The following SLC29A3 variants were observed in gnomAD, a reference collection of about 807,000 sequenced individuals.
SLC29A3 encodes equilibrative nucleoside transporter 3.
A neutral mutation model predicts 25.4 loss-of-function variants in SLC29A3; 18 were observed. The observed-to-expected ratio is 0.71, with a 90% CI of 0.49 to 1.05. SLC29A3 has a LOEUF of 1.05. SLC29A3 is among the 50% of genes least tolerant of loss of function. The probability of loss-of-function intolerance (pLI) is 0.00; values close to 1 mark genes in which losing one functional copy is unlikely to be tolerated. For synonymous variants in SLC29A3, 258 were observed against 267.1 expected (o/e 0.97, Z 0.33); for missense variants, 586 against 609.0 (o/e 0.96, Z 0.40).
At chr10:71,326,122 G>A (rs1589222001) in intron 2 of SLC29A3, among the ~76,000 whole-genome samples, 1 of 151,762 alleles carries the variant, frequency 6.6e-6, no homozygotes, top group Non-Finnish European at 1.5e-5. Flanking sequence ...GTCTCACTAT[G>A]TTGCCCAGGC....
chr10:71,339,647 C>T (rs1428762683), intron 2 of SLC29A3, among the ~76,000 whole-genome samples: 1 of 152,098 alleles, frequency 6.6e-6, no homozygotes, highest in African/African-American at 2.4e-5. Flanking sequence ...AAGGAAGCCT[C>T]AGGTTGCTTT....
At position 71,351,275 on chromosome 10, in the gene SLC29A3, C is replaced by T. The variant is rs550240710; in HGVS notation, c.384-287C>T. Among the ~76,000 whole-genome samples, 4 of 152,332 alleles carry T rather than the reference C, an allele frequency of 2.6e-5. No homozygotes were observed. The East Asian group carries it at 7.7e-4, about 29-fold the overall frequency. On this transcript the variant is annotated intron_variant, in intron 3 of 5. Transcript: ENST00000373189. ...GCGCTGGCCCTGAGCCAGGCACTGC[C>T]GCTTGCACCCCACACTGCTCACCTC...
intron 3 of SLC29A3, among the ~76,000 whole-genome samples, chr10:71,350,535 A>G (rs1846727014): frequency 6.6e-6 from 1 of 152,152 alleles, no homozygotes; most frequent in Non-Finnish European, 1.5e-5. Flanking sequence ...CCTAGAATAA[A>G]AATGTGCAGC....
At chr10:71,359,899 T>C (rs1215146482) in intron 5 of SLC29A3, among the ~76,000 whole-genome samples, 2 of 152,162 alleles carry the variant, frequency 1.3e-5, no homozygotes, top group Non-Finnish European at 2.9e-5. Context: ...CCCAGAGAGG[T>C]TGAGTGGCTC....
chr10:71,342,233 G>A (rs1846428031), intron 2 of SLC29A3, among the ~76,000 whole-genome samples: 1 of 152,142 alleles, frequency 6.6e-6, no homozygotes, highest in African/African-American at 2.4e-5. Flanking sequence ...GTTTCTATCA[G>A]GAATTAAGTG....
intron 5 of SLC29A3, among the ~76,000 whole-genome samples, chr10:71,357,153 G>T (rs542553539): frequency 6.6e-6 from 1 of 151,546 alleles, no homozygotes; most frequent in African/African-American, 2.4e-5. Flanking sequence ...GGTGGCTCAC[G>T]CCTGTAATCC....
chr10:71,378,167 T>C (rs1847275872), intron 4 of SLC29A3, among the ~76,000 whole-genome samples: 1 of 151,760 alleles, frequency 6.6e-6, no homozygotes, highest in Non-Finnish European at 1.5e-5. Flanking sequence ...AAAATGAACT[T>C]AGAATGTAAA....
intron 1 of SLC29A3, among the ~76,000 whole-genome samples, chr10:71,321,993 T>C (rs933364743): frequency 3.3e-5 from 5 of 152,256 alleles, no homozygotes; most frequent in African/African-American, 9.6e-5. Context: ...CCCTGGACAC[T>C]ACCAGTTTTT....
downstream of SLC29A3, chr10:71,366,306 C>G (rs946879): frequency 6.6e-6 from 1 of 152,164 alleles, no homozygotes; most frequent in Admixed American, 6.5e-5. Context: ...GAGGACATTT[C>G]TATGCAATGT....
intron 2 of SLC29A3, among the ~76,000 whole-genome samples, chr10:71,328,007 C>T (rs1275539088): frequency 6.6e-6 from 1 of 152,090 alleles, no homozygotes; most frequent in East Asian, 1.9e-4. Flanking sequence ...CTGGACAAGC[C>T]CTACTTCCTA....
intron 2 of SLC29A3, among the ~76,000 whole-genome samples, chr10:71,336,917 G>T (rs139965707): frequency 6.6e-6 from 1 of 152,282 alleles, no homozygotes; most frequent in East Asian, 1.9e-4. Flanking sequence ...TTTACAGTGA[G>T]CCCAGGCCTG....
At chr10:71,365,273 A>AT (rs928836913), downstream of SLC29A3, 43 of 152,272 alleles carry the variant, frequency 2.8e-4, no homozygotes, top group African/African-American at 1.0e-3. Flanking sequence ...AATGGGCACC[A>AT]TGCCTGCCTT....
rs1165478141 is a variant in SLC29A3, at chr10:71,319,604, G to A, written c.1+294G>A. On this transcript the variant is annotated intron_variant, in intron 1 of 5. Coordinates refer to ENST00000373189, the MANE Select transcript of SLC29A3 (RefSeq NM_018344.6). ...CCTGGTATGGACCCGTCGGCCCGAA[G>A]TATCCAGACGGTGGCTGATTCTCTC... 4 of 361,116 alleles carry A rather than the reference G, an allele frequency of 1.1e-5. No individual in the cohort carries two copies. In the East Asian group the frequency reaches 1.6e-4, roughly 15 times the overall value. 22.4% of individuals were successfully genotyped at this position (361,116 alleles called of 1,614,324 possible).
intron 5 of SLC29A3, 128 bp from the exon 6 acceptor site, chr10:71,361,826 C>T (rs1847060536): frequency 3.8e-6 from 4 of 1,064,398 alleles, no homozygotes. Flanking sequence ...AACGCTGGAG[C>T]TGTGGGCATA....
chr10:71,350,314 C>CTTGTGTGTGTGT (rs1554816962), intron 3 of SLC29A3, among the ~76,000 whole-genome samples: 1 of 142,472 alleles, frequency 7.0e-6, no homozygotes, highest in East Asian at 2.1e-4. Flanking sequence ...TTCACACCTA[C>CTTGTGTGTGTGT]GTGTGTGTGT....
intron 2 of SLC29A3, among the ~76,000 whole-genome samples, chr10:71,335,426 C>T (rs769690129): frequency 6.6e-6 from 1 of 152,188 alleles, no homozygotes; most frequent in Non-Finnish European, 1.5e-5. Flanking sequence ...GGAAGCGAGG[C>T]TGCAAGGAGG....
chr10:71,366,060 C>T (rs896114027), downstream of SLC29A3: 3 of 152,422 alleles, frequency 2.0e-5, no homozygotes, highest in African/African-American at 7.2e-5. Context: ...ATGATCACAG[C>T]TCACTGCAGC....
chr10:71,375,029 G>A (rs1470752361), intron 3 of SLC29A3, among the ~76,000 whole-genome samples: 4 of 152,246 alleles, frequency 2.6e-5, no homozygotes, highest in South Asian at 2.1e-4. Context: ...CTGAGATGGC[G>A]ATAATGCAGA....
At chr10:71,332,734 C>T (rs1846149833) in intron 2 of SLC29A3, among the ~76,000 whole-genome samples, 1 of 152,182 alleles carries the variant, frequency 6.6e-6, no homozygotes, top group Non-Finnish European at 1.5e-5. Context: ...CCTTGTCCAC[C>T]CTCTGATTCT....
Sources: allele counts gnomAD v4.1 joint callset (sites outside exome capture counted in the v4.1 genomes callset), GRCh38; gene constraint gnomAD v4.1.1; transcripts MANE v1.5; gene names NCBI Gene and HGNC (gene_info 2026-07-23, HGNC 2026-07-21).